SACS: variants seen among roughly 807,000 people sequenced by gnomAD.
The protein encoded by SACS is sacsin.
Under a neutral mutation model 348.0 loss-of-function variants are expected in SACS, and 197 were observed. The ratio of observed to expected loss-of-function variants is 0.57; its 90% CI spans 0.50 to 0.64. The LOEUF (loss-of-function observed/expected upper bound fraction) is 0.64. SACS is among the 30% of genes least tolerant of loss of function. SACS has a pLI of 0.00. For synonymous variants in SACS, 1,985 were observed against 1,910.6 expected (o/e 1.04, Z -1.02); for missense variants, 4,999 against 5,360.8 (o/e 0.93, Z 2.11).
chr13:23,338,425 C>T lies in SACS; in HGVS notation c.5451G>A (p.Thr1817=), dbSNP rs1255397727. 9 of 1,614,114 alleles carry T rather than the reference C, an allele frequency of 5.6e-6. No individual in the cohort carries two copies. Among genetic ancestry groups the T allele is most frequent in the South Asian group, 2.2e-5 (2 of 91,080 alleles). ...ELSQKTVECT[T]WLLCTCMDTG... The stretch of plus-strand genomic sequence containing the variant: ...TGTCCATGCAAGTACACAGAAGCCA[C>T]GTGGTACACTCTACTGTTTTCTGTG... The change falls in exon 10 of 10, where the codon ACG becomes ACA. Residue 1817 remains threonine, a synonymous_variant. Coordinates refer to ENST00000382292, the MANE Select transcript of SACS (RefSeq NM_014363.6).
chr13:23,432,513 G>A (rs1874474321), intron 1 of SACS, among the ~76,000 whole-genome samples: 2 of 152,186 alleles, frequency 1.3e-5, no homozygotes, highest in African/African-American at 2.4e-5. Flanking sequence ...GGCAAGATTA[G>A]GGAAGGCAGT....
In SACS at chr13:23,404,644, C is replaced by A. The variant is rs111596074; in HGVS notation, c.20+6576G>T. On this transcript the variant is annotated intron_variant, in intron 2 of 9. Coordinates refer to ENST00000382292, the MANE Select transcript of SACS (RefSeq NM_014363.6). ...TAGGAAGTCAAACTGTCACTATTTG[C>A]AGATGACATGATTGCATATTTAGAA... Among the ~76,000 whole-genome samples, 1,330 of 152,240 alleles carry A rather than the reference C, an allele frequency of 8.7e-3. 16 individuals carry two copies. Among genetic ancestry groups the A allele is most frequent in the African/African-American group, 0.03 (1,261 of 41,540 alleles).
chr13:23,375,310 C>G, intron 2 of SACS, 41 bp from the exon 3 acceptor site: 1 of 1,381,236 alleles, frequency 7.2e-7, no homozygotes, highest in Non-Finnish European at 9.5e-7. Context: ...CTGCGGCTGC[C>G]ACCCGCCCGC....
At chr13:23,412,558 C>T (rs1210171981) in intron 1 of SACS, among the ~76,000 whole-genome samples, 2 of 151,858 alleles carry the variant, frequency 1.3e-5, no homozygotes, top group Non-Finnish European at 1.5e-5. Flanking sequence ...GGATTACAGG[C>T]GCCTGCCCTC....
intron 1 of SACS, among the ~76,000 whole-genome samples, chr13:23,431,452 G>GA (rs1345139221): frequency 6.6e-6 from 1 of 152,220 alleles, no homozygotes; most frequent in East Asian, 1.9e-4. Flanking sequence ...GACGGCAGGA[G>GA]AAAGACACAT....
In SACS at chr13:23,355,323, T is replaced by C. The variant is rs776145055; in HGVS notation, c.1289A>G (p.Asp430Gly). 2 of 1,614,122 alleles carry C rather than the reference T, an allele frequency of 1.2e-6. No individual in the cohort carries two copies. Among genetic ancestry groups the C allele is most frequent in the South Asian group, 2.2e-5 (2 of 91,086 alleles). ...AGACGTTGCTCCTTTTGCTTCATCA[T>C]CTCTGCTTGATAAAGGCATGGCTAT... Reference protein sequence around the residue: ...IGIAMPLSSRDDEAKGATSDF... With the variant: ...IGIAMPLSSRGDEAKGATSDF... Residue 430 changes from aspartate (D) to glycine (G), a missense_variant, in exon 8 of 10, where the codon GAT becomes GGT. Physicochemically the swap from Asp to Gly is moderately conservative, Grantham distance 94 (BLOSUM62 -1). Coordinates refer to ENST00000382292, the MANE Select transcript of SACS (RefSeq NM_014363.6).
chr13:23,429,301 A>ATGG (rs1341752047), intron 1 of SACS, among the ~76,000 whole-genome samples: 2 of 142,436 alleles, frequency 1.4e-5, no homozygotes, highest in Admixed American at 1.4e-4. Context: ...ATGTACAACC[A>ATGG]TGGCAGAGGC....
rs183530793 is a variant in SACS at position 23,332,618 on chromosome 13, C to T, written c.11258G>A (p.Arg3753Lys). 22 of 1,613,558 alleles carry T rather than the reference C, an allele frequency of 1.4e-5. No homozygotes were observed. In the African/African-American group the frequency reaches 1.9e-4, roughly 14 times the overall value. The change falls in exon 10 of 10, where the codon AGA becomes AAA. Residue 3753 changes from arginine to lysine, a missense_variant. Physicochemically the swap from Arg to Lys is conservative, Grantham distance 26. Around this residue, in one of 6 missense-constraint regions of SACS, gnomAD observed 831 missense variants for 941.8 expected, o/e 0.88. Coordinates refer to ENST00000382292, the MANE Select transcript of SACS (RefSeq NM_014363.6). ...CAACGTCGTTATGTTGCATATGTTT[C>T]TGCAGTTATTGATTACCTTATCAAG... The part of the protein sequence containing the change: ...PPLDKVINNC[R>K]NICNITTLDE...
chr13:23,391,435 T>C (rs4770440), intron 2 of SACS, among the ~76,000 whole-genome samples: 122,394 of 151,806 alleles, frequency 0.81, 50,471 homozygotes, highest in East Asian at 1. Flanking sequence ...CCATAAGGAG[T>C]CCCCACAGGA....
At chr13:23,414,500 C>T (rs909916901) in intron 1 of SACS, among the ~76,000 whole-genome samples, 1 of 151,972 alleles carries the variant, frequency 6.6e-6, no homozygotes, top group African/African-American at 2.4e-5. Context: ...CTCAGTGGAA[C>T]ACTGCACATT....
chr13:23,371,231 T>C (rs1871371865), intron 3 of SACS, 66 bp from the exon 4 acceptor site: 5 of 942,886 alleles, frequency 5.3e-6, no homozygotes, highest in Non-Finnish European at 7.7e-6. Context: ...ATTCAAGACA[T>C]TATCTCAAAT....
intron 1 of SACS, among the ~76,000 whole-genome samples, chr13:23,429,936 C>T: frequency 6.6e-6 from 1 of 151,942 alleles, no homozygotes; most frequent in East Asian, 1.9e-4. Context: ...ATAATATTGG[C>T]TGGGCTCACG....
At chr13:23,428,001 GT>G (rs1370866499) in intron 1 of SACS, 1 of 152,192 alleles carries the variant, frequency 6.6e-6, no homozygotes, top group Non-Finnish European at 1.5e-5. Context: ...GCTTTTCATA[GT>G]TTTCAGTGCT....
In SACS at chr13:23,333,987, C is replaced by T; in HGVS notation, c.9889G>A (p.Glu3297Lys). The T allele has an allele frequency of 6.2e-7, 1 of 1,613,900 alleles. No homozygotes were observed. Among genetic ancestry groups the T allele is most frequent in the Non-Finnish European group, 8.5e-7 (1 of 1,179,840 alleles). Residue 3297 changes from glutamate (E) to lysine (K), a missense_variant, in exon 10 of 10, where the codon GAA (glutamate) becomes AAA (lysine). This residue lies in a region of SACS where 734 missense variants were observed against 694.0 expected (regional missense o/e 1.06). Transcript: ENST00000382292. ...TVSANQLVVP[E>K]GDVLLPLSLM... The stretch of plus-strand genomic sequence containing the variant: ...CTGAGAGGAAGCAGAACATCTCCTT[C>T]AGGAACCACAAGCTGGTTGGCTGAA...
intron 2 of SACS, among the ~76,000 whole-genome samples, chr13:23,408,101 T>A (rs994620026): frequency 2.6e-5 from 4 of 152,166 alleles, no homozygotes; most frequent in African/African-American, 9.7e-5. Flanking sequence ...TTTACTATTT[T>A]AATAGGTGTC....
intron 1 of SACS, among the ~76,000 whole-genome samples, chr13:23,412,138 A>C (rs1291242387): frequency 2.6e-5 from 4 of 152,234 alleles, no homozygotes; most frequent in East Asian, 3.9e-4. Context: ...GGGCGCCTGT[A>C]GTCCCAGCTA....
rs1236711844 is a variant in SACS, at chr13:23,355,475, T to C, written c.1137A>G (p.Leu379=). The change falls in exon 8 of 10, where the codon TTA becomes TTG. Residue 379 remains leucine (L), a synonymous_variant. Transcript: ENST00000382292. ...GTGCATCCTTAGTACTCTCCTCTTCTAAAACAATATTTACGTGATATGTTA... is the reference window on the plus strand; with the variant it reads ...GTGCATCCTTAGTACTCTCCTCTTCCAAAACAATATTTACGTGATATGTTA... The part of the protein sequence containing the change: ...TCVTYHVNIV[L]EEESTKDAQK... 1.9e-6 allele frequency: 3 copies of C among 1,614,150 alleles called. No homozygotes were observed. The highest frequency in any genetic ancestry group is 1.1e-5 in the South Asian group (1 of 91,082).
rs1868712572 is a variant in SACS, at chr13:23,337,253, G to T, written c.6623C>A (p.Ala2208Glu). The change falls in exon 10 of 10, where the codon GCA becomes GAA. Residue 2208 changes from alanine to glutamate, a missense_variant. Physicochemically the swap from Ala to Glu is moderately radical, Grantham distance 107. Coordinates refer to ENST00000382292, the MANE Select transcript of SACS (RefSeq NM_014363.6). Reference sequence around the variant, plus strand: ...AAGGAAGCGGATTGTTTGATATTTTGCAGCAAAATCCTTTGCTCTAGGATC... The same window carrying T: ...AAGGAAGCGGATTGTTTGATATTTTTCAGCAAAATCCTTTGCTCTAGGATC... ...IRDPRAKDFAAKYQTIRFLPF... is the reference protein window; with the variant it reads ...IRDPRAKDFAEKYQTIRFLPF... The T allele has an allele frequency of 6.2e-7, 1 of 1,613,742 alleles. No individual in the cohort carries two copies. The highest frequency in any genetic ancestry group is 8.5e-7 in the Non-Finnish European group (1 of 1,179,908).
In SACS at chr13:23,337,117, T is replaced by G. The variant is rs1312837697; in HGVS notation, c.6759A>C (p.Ile2253=). The G allele has an allele frequency of 6.2e-7, 1 of 1,613,982 alleles. No homozygotes were observed. Among genetic ancestry groups the G allele is most frequent in the Non-Finnish European group, 8.5e-7 (1 of 1,179,930 alleles). The part of the protein sequence containing the change: ...TDLYTAEHQD[I]VCLLQPILNE... The stretch of plus-strand genomic sequence containing the variant: ...TTAGAATTGGTTGCAAAAGACAAAC[T>G]ATATCTTGATGTTCAGCTGTATAAA... The change falls in exon 10 of 10, where the codon ATA becomes ATC. Residue 2253 remains isoleucine (I), a synonymous_variant. Transcript: ENST00000382292.
Sources: allele counts gnomAD v4.1 joint callset (sites outside exome capture counted in the v4.1 genomes callset), GRCh38; gene constraint gnomAD v4.1.1; regional missense constraint gnomAD v4.1.1; transcripts MANE v1.5; gene names NCBI Gene and HGNC (gene_info 2026-07-23, HGNC 2026-07-21).